Variants in CELF2 observed in about 807,000 individuals in gnomAD.
The protein encoded by CELF2 is CUG triplet repeat RNA-binding protein 2.
In CELF2, 8 loss-of-function variants were observed where a neutral mutation model predicts 62.6. The ratio of observed to expected loss-of-function variants is 0.13; its 90% confidence interval spans 0.07 to 0.23. CELF2 has a LOEUF of 0.23. Ranked by LOEUF, CELF2 falls within the 10% of genes least tolerant of loss-of-function variation. The pLI is 1.00. For missense variants in CELF2, 333 were observed against 671.0 expected, an observed-to-expected ratio of 0.50 and a Z score of 5.56; for synonymous variants, 258 against 250.0, an observed-to-expected ratio of 1.03 and a Z score of -0.30.
intron 1 of CELF2, among the ~76,000 whole-genome samples, chr10:10,881,101 C>T (rs1021783364): frequency 1.3e-5 from 2 of 152,188 alleles, no homozygotes; most frequent in East Asian, 1.9e-4. Flanking sequence ...ACTTCACTTA[C>T]GACTGTTACT....
At chr10:10,577,151 G>A in the CELF2 span, among the ~76,000 whole-genome samples, 2 of 152,166 alleles carry the variant, frequency 1.3e-5, no homozygotes, top group African/African-American at 4.8e-5. Context: ...TGCGCCCAGA[G>A]TAAATGATGA....
chr10:11,008,601 T>C lies in CELF2; in HGVS notation c.53+3161T>C, dbSNP rs1399109176. On this transcript the variant is annotated intron_variant, in intron 1 of 12. Transcript: ENST00000416382. The surrounding 1 kb of genome is among the most constrained non-coding windows in gnomAD (Gnocchi z 4.5). ...AATTATTGTAATCAGGGGGGTTAATTAGGTGAAAATGTGGCTGATAAAAAG... is the reference window on the plus strand; with the variant it reads ...AATTATTGTAATCAGGGGGGTTAATCAGGTGAAAATGTGGCTGATAAAAAG... Among the ~76,000 whole-genome samples the C allele has an allele frequency of 1.3e-5, 2 of 152,098 alleles. No homozygotes were observed. Among genetic ancestry groups the C allele is most frequent in the Non-Finnish European group, 2.9e-5 (2 of 68,002 alleles).
intron 10 of CELF2, chr10:11,317,092 T>G (rs1005484779): frequency 1.3e-5 from 2 of 152,168 alleles, no homozygotes; most frequent in African/African-American, 4.8e-5. Flanking sequence ...GTATGTCAAG[T>G]GGCATCTTAT....
chr10:10,766,005 T>G, the CELF2 span, among the ~76,000 whole-genome samples: 1 of 152,154 alleles, frequency 6.6e-6, no homozygotes, highest in South Asian at 2.1e-4. Flanking sequence ...AAGCTACCAA[T>G]TTACAAAAGC....
chr10:10,893,178 C>T (rs191760965), intron 1 of CELF2, among the ~76,000 whole-genome samples: 31 of 152,312 alleles, frequency 2.0e-4, no homozygotes, highest in Admixed American at 1.7e-3. Context: ...CAATAACATT[C>T]TTCTTTTGCA....
At chr10:10,898,893 C>G (rs1343270093) in intron 1 of CELF2, among the ~76,000 whole-genome samples, 1 of 152,090 alleles carries the variant, frequency 6.6e-6, no homozygotes, top group Non-Finnish European at 1.5e-5. Context: ...TAAAAATATT[C>G]AAGTGATATA....
intron 2 of CELF2, among the ~76,000 whole-genome samples, chr10:10,979,545 C>T (rs1211206698): frequency 2.0e-5 from 3 of 151,834 alleles, no homozygotes; most frequent in Non-Finnish European, 4.4e-5. Context: ...GTGGTGCATA[C>T]CTGTAGTCTC....
At chr10:10,541,872 G>A in the CELF2 span, among the ~76,000 whole-genome samples, 3 of 152,282 alleles carry the variant, frequency 2.0e-5, no homozygotes, top group South Asian at 6.2e-4. Context: ...AGCTCAGTAG[G>A]TCTCAGTCTC....
chr10:10,720,091 C>T, the CELF2 span, among the ~76,000 whole-genome samples: 1 of 152,174 alleles, frequency 6.6e-6, no homozygotes, highest in Non-Finnish European at 1.5e-5. Context: ...AGAGGAAGGG[C>T]AGACAGTGGG....
intron 1 of CELF2, among the ~76,000 whole-genome samples, chr10:10,877,127 G>A (rs1200793350): frequency 1.3e-5 from 2 of 152,246 alleles, no homozygotes; most frequent in African/African-American, 4.8e-5. Context: ...AGAGGCCACT[G>A]CGGTAATCTG....
chr10:10,747,728 A>G, the CELF2 span, among the ~76,000 whole-genome samples: 1 of 152,162 alleles, frequency 6.6e-6, no homozygotes. Context: ...ATATTTTGAG[A>G]CGAAGTCTTG....
chr10:10,943,508 G>A (rs1261322803), intron 2 of CELF2, among the ~76,000 whole-genome samples: 3 of 152,218 alleles, frequency 2.0e-5, no homozygotes, highest in Admixed American at 2.0e-4. Context: ...AGGAAAGATT[G>A]AGATGCTCTA....
At chr10:11,104,261 A>G (rs1160235097) in intron 1 of CELF2, among the ~76,000 whole-genome samples, 1 of 152,240 alleles carries the variant, frequency 6.6e-6, no homozygotes, top group African/African-American at 2.4e-5. Flanking sequence ...AGAATCTATT[A>G]TAATCCTCTA....
chr10:10,530,210 T>G, the CELF2 span, among the ~76,000 whole-genome samples: 1 of 152,284 alleles, frequency 6.6e-6, no homozygotes, highest in South Asian at 2.1e-4. Flanking sequence ...GAGTAGGACG[T>G]TCCCAAAAGT....
intron 2 of CELF2, among the ~76,000 whole-genome samples, chr10:11,168,670 G>A (rs1279777136): frequency 2.0e-5 from 3 of 152,140 alleles, no homozygotes; most frequent in Admixed American, 6.5e-5. Flanking sequence ...TGCCTTACCC[G>A]TGTTGATGGT....
Position 11,280,737 on chromosome 10 carries a change from G to A in CELF2, c.841+5617G>A, listed in dbSNP as rs936211815. ...GGCCACGGCCTCTGCCTGGCTGAGT[G>A]GACAGAGGCCGCTCTGGGTGGGGGA... is the stretch of plus-strand genomic sequence containing the variant. On this transcript the variant is annotated intron_variant, in intron 8 of 12. Transcript: ENST00000633077. This position sits in a 1 kb window ranked among gnomAD's most constrained non-coding sequence, Gnocchi z 7.6. Among the ~76,000 whole-genome samples the A allele has an allele frequency of 6.6e-6, 1 of 152,186 alleles. No individual in the cohort carries two copies. Among genetic ancestry groups the A allele is most frequent in the Non-Finnish European group, 1.5e-5 (1 of 68,032 alleles).
chr10:10,529,082 T>G, the CELF2 span, among the ~76,000 whole-genome samples: 1 of 152,238 alleles, frequency 6.6e-6, no homozygotes, highest in Non-Finnish European at 1.5e-5. Flanking sequence ...AATTTAAATA[T>G]GTATGCTCAT....
the CELF2 span, among the ~76,000 whole-genome samples, chr10:10,652,637 A>C: frequency 6.4e-4 from 97 of 152,008 alleles, no homozygotes; most frequent in East Asian, 0.015. Flanking sequence ...TCATAAGCGA[A>C]GGAGAAATAA....
chr10:10,691,481 C>T, the CELF2 span, among the ~76,000 whole-genome samples: 197 of 151,094 alleles, frequency 1.3e-3, no homozygotes, highest in African/African-American at 4.2e-3. Flanking sequence ...GTGCATGTGT[C>T]TTTATAGCAG....
Sources: allele counts gnomAD v4.1 joint callset (sites outside exome capture counted in the v4.1 genomes callset), GRCh38; gene constraint gnomAD v4.1.1; non-coding constraint Gnocchi (gnomAD v3.1); transcripts MANE v1.5; gene names NCBI Gene and HGNC (gene_info 2026-07-23, HGNC 2026-07-21).